ANXA4: variants seen among roughly 807,000 people sequenced by gnomAD.
ANXA4 encodes 35-beta calcimedin.
Under a neutral mutation model 49.8 loss-of-function variants are expected in ANXA4, and 39 were observed. That is an observed-to-expected ratio of 0.78 (90% confidence interval 0.61 to 1.02). The LOEUF (loss-of-function observed/expected upper bound fraction) is 1.02, where lower values mean the gene tolerates loss of function less well. ANXA4 is among the 50% of genes least tolerant of loss of function. The pLI is 0.00. For missense variants in ANXA4, 360 were observed against 410.1 expected, an observed-to-expected ratio of 0.88 and a Z score of 1.05; for synonymous variants, 134 against 152.5, an observed-to-expected ratio of 0.88 and a Z score of 0.89.
Position 69,711,918 on chromosome 2 carries a change from G to C in ANXA4, n.767-8856G>C, listed in dbSNP as rs561693666. 9.9e-5 allele frequency among the ~76,000 whole-genome samples: 15 copies of C among 151,996 alleles called. No individual in the cohort carries two copies. In the East Asian group the frequency reaches 2.3e-3, roughly 23 times the overall value. On this transcript the variant is annotated intron_variant and non_coding_transcript_variant, in intron 2 of 3. Transcript: ENST00000418066. ...ACATAGAGAAATATGGGGCATGATGGGGGGGTCTCTACTGCAGCAAAAAGG... is the reference window on the plus strand; with the variant it reads ...ACATAGAGAAATATGGGGCATGATGCGGGGGTCTCTACTGCAGCAAAAAGG...
intron 3 of ANXA4, among the ~76,000 whole-genome samples, chr2:69,731,663 A>T (rs1306555328): frequency 1.3e-5 from 2 of 151,584 alleles, no homozygotes; most frequent in African/African-American, 4.9e-5. Context: ...TTAAAAAGCC[A>T]ATAATTGAAT....
chr2:69,816,674 A>T (rs1173259676), intron 9 of ANXA4: 1 of 152,644 alleles, frequency 6.6e-6, no homozygotes, highest in East Asian at 1.9e-4. Context: ...TATGTTTCTA[A>T]TTTGTTTCTG....
intron 1 of ANXA4, among the ~76,000 whole-genome samples, chr2:69,756,135 CT>C (rs1163132081): frequency 2.0e-5 from 3 of 152,224 alleles, no homozygotes; most frequent in Non-Finnish European, 4.4e-5. Flanking sequence ...TGGCTATTAG[CT>C]TTATCAGCAT....
At chr2:69,743,083 G>T (rs1409384945) in intron 1 of ANXA4, among the ~76,000 whole-genome samples, 1 of 151,906 alleles carries the variant, frequency 6.6e-6, no homozygotes, top group East Asian at 1.9e-4. Context: ...GCTGGATACA[G>T]TTCACTCTGC....
intron 3 of ANXA4, among the ~76,000 whole-genome samples, chr2:69,799,697 G>A (rs1413637767): frequency 6.6e-6 from 1 of 152,108 alleles, no homozygotes; most frequent in Non-Finnish European, 1.5e-5. Context: ...GATTCTATGT[G>A]CACCACAAAC....
chr2:69,763,246 C>T (rs1330351477), intron 1 of ANXA4, among the ~76,000 whole-genome samples: 2 of 152,134 alleles, frequency 1.3e-5, no homozygotes, highest in Non-Finnish European at 2.9e-5. Context: ...GCCCACAGAG[C>T]TGGAACTTGA....
At chr2:69,728,273 T>A (rs1035837693) in intron 3 of ANXA4, among the ~76,000 whole-genome samples, 1 of 152,244 alleles carries the variant, frequency 6.6e-6, no homozygotes. Context: ...CTCTATATGA[T>A]CTTGCTATGA....
intron 2 of ANXA4, among the ~76,000 whole-genome samples, chr2:69,655,072 C>G (rs1573057317): frequency 6.6e-6 from 1 of 152,274 alleles, no homozygotes; most frequent in South Asian, 2.1e-4. Context: ...ACCATAAAAA[C>G]CCTAGAAGAA....
At chr2:69,818,912 A>AT (rs1399607746) in intron 10 of ANXA4, among the ~76,000 whole-genome samples, 1 of 152,204 alleles carries the variant, frequency 6.6e-6, no homozygotes, top group Non-Finnish European at 1.5e-5. Flanking sequence ...GTGCCTTTGT[A>AT]TGTCCTATGT....
At chr2:69,706,065 T>A (rs1678484850) in intron 2 of ANXA4, among the ~76,000 whole-genome samples, 3 of 152,010 alleles carry the variant, frequency 2.0e-5, no homozygotes, top group Admixed American at 2.0e-4. Context: ...AAAAGCATAA[T>A]ATCTTCTTTC....
chr2:69,700,328 G>C (rs1678291641), intron 2 of ANXA4: 2 of 152,182 alleles, frequency 1.3e-5, no homozygotes, highest in Non-Finnish European at 2.9e-5. Flanking sequence ...GCTACAGTGA[G>C]CTATGGCACC....
At chr2:69,741,631 G>T (rs1325073586), upstream of ANXA4, among the ~76,000 whole-genome samples, 2 of 152,272 alleles carry the variant, frequency 1.3e-5, no homozygotes, top group African/African-American at 4.8e-5. Flanking sequence ...CCACGGGCTC[G>T]GCACGACCTG....
At chr2:69,784,191 C>T (rs1672320265) in intron 2 of ANXA4, among the ~76,000 whole-genome samples, 3 of 152,170 alleles carry the variant, frequency 2.0e-5, no homozygotes, top group Admixed American at 6.5e-5. Context: ...GCCTATTATA[C>T]TCTGAAATTC....
intron 2 of ANXA4, chr2:69,700,330 T>C (rs1678291812): frequency 6.6e-6 from 1 of 152,182 alleles, no homozygotes. Context: ...TACAGTGAGC[T>C]ATGGCACCAC....
At chr2:69,823,939 T>A (rs1167227137) in intron 12 of ANXA4, among the ~76,000 whole-genome samples, 1 of 152,068 alleles carries the variant, frequency 6.6e-6, no homozygotes, top group Non-Finnish European at 1.5e-5. Context: ...CTAGGCCAGG[T>A]GCAGTGGCTC....
At chr2:69,782,795 G>A (rs1015657495) in intron 2 of ANXA4, among the ~76,000 whole-genome samples, 2 of 152,184 alleles carry the variant, frequency 1.3e-5, no homozygotes, top group African/African-American at 4.8e-5. Context: ...CTGTAATCAA[G>A]TGGCCCTTTG....
Position 69,807,945 on chromosome 2 carries a change from G to A in ANXA4, c.346G>A (p.Ala116Thr). 6.2e-7 allele frequency: 1 copy of A among 1,614,150 alleles called. No homozygotes were observed. The highest frequency in any genetic ancestry group is 2.2e-5 in the East Asian group (1 of 44,878). The change falls in exon 6 of 13, where the codon GCC becomes ACC. Residue 116 changes from alanine (A) to threonine (T), a missense_variant. Ala to Thr is a moderately conservative substitution (Grantham distance 58, BLOSUM62 0). Transcript: ENST00000394295. ...TGAGGGCTGCCTAATTGAGATCCTG[G>A]CCTCCCGGACCCCTGAGGAGATCCG... is the stretch of plus-strand genomic sequence containing the variant. ...TDEGCLIEIL[A>T]SRTPEEIRRI...
chr2:69,755,797 C>A (rs1208358269), intron 1 of ANXA4, among the ~76,000 whole-genome samples: 1 of 152,064 alleles, frequency 6.6e-6, no homozygotes, highest in Admixed American at 6.6e-5. Flanking sequence ...TAAAAATAGC[C>A]AGCCGTGATT....
chr2:69,656,858 T>C lies in ANXA4; in HGVS notation n.766+3576T>C, dbSNP rs185734537. Among the ~76,000 whole-genome samples, 830 of 152,182 alleles carry C rather than the reference T, an allele frequency of 5.5e-3. 10 individuals are homozygous for C. The highest frequency in any genetic ancestry group is 0.019 in the African/African-American group (784 of 41,518). Reference sequence around the variant, plus strand: ...AGCCACTGGGCCTGCTCATTAGTTCTTGCTGGTGTAACAGGAGGGCAGAGA... The same window carrying C: ...AGCCACTGGGCCTGCTCATTAGTTCCTGCTGGTGTAACAGGAGGGCAGAGA... On this transcript the variant is annotated intron_variant and non_coding_transcript_variant, in intron 2 of 3. Transcript: ENST00000418066.
Sources: gnomAD v4.1 joint callset for allele counts (sites outside exome capture counted in the v4.1 genomes callset) on GRCh38, gnomAD v4.1.1 for gene constraint, MANE v1.5 for transcripts, NCBI Gene and HGNC (gene_info 2026-07-23, HGNC 2026-07-21) for gene names.